The following GALNT14 variants were observed in gnomAD, a reference collection of about 807,000 sequenced individuals.
GALNT14 encodes polypeptide N-acetylgalactosaminyltransferase 14, also known as UDP-GalNAc:polypeptide N-acetylgalactosaminyltransferase 14.
Under a neutral mutation model 77.5 loss-of-function variants are expected in GALNT14, and 60 were observed. The observed-to-expected ratio is 0.77, with a 90% confidence interval of 0.63 to 0.96. GALNT14 has a LOEUF of 0.96. GALNT14 is among the 40% of genes least tolerant of loss of function. The pLI is 0.00. For synonymous variants in GALNT14, 280 were observed against 281.7 expected, an observed-to-expected ratio of 0.99 and a Z score of 0.06; for missense variants, 710 against 731.0, an observed-to-expected ratio of 0.97 and a Z score of 0.33.
intron 1 of GALNT14, among the ~76,000 whole-genome samples, chr2:31,116,415 C>G (rs1003668213): frequency 2.0e-5 from 3 of 151,882 alleles, no homozygotes; most frequent in Non-Finnish European, 4.4e-5. Flanking sequence ...TTATAAGAAA[C>G]ATTTTATGCC....
At chr2:30,914,521 T>C (rs1009250490) in intron 13 of GALNT14, among the ~76,000 whole-genome samples, 1 of 152,148 alleles carries the variant, frequency 6.6e-6, no homozygotes, top group Admixed American at 6.6e-5. Context: ...AGGTCTGGGG[T>C]GGGGCAGGCC....
chr2:30,968,998 G>A (rs1410612807), intron 2 of GALNT14, among the ~76,000 whole-genome samples: 1 of 152,130 alleles, frequency 6.6e-6, no homozygotes, highest in African/African-American at 2.4e-5. Flanking sequence ...CAGGTGGCAG[G>A]TCTGTGAGAG....
chr2:31,128,216 TG>T (rs1250033028), intron 1 of GALNT14, among the ~76,000 whole-genome samples: 3 of 152,120 alleles, frequency 2.0e-5, no homozygotes, highest in African/African-American at 7.2e-5. Context: ...GTCCCTGTAC[TG>T]GGTAGAACCA....
chr2:30,909,064 T>C (rs968037911), downstream of GALNT14, among the ~76,000 whole-genome samples: 5 of 152,064 alleles, frequency 3.3e-5, no homozygotes, highest in African/African-American at 1.2e-4. Context: ...CAATTCAAGA[T>C]GGATTAAAGA....
intron 1 of GALNT14, among the ~76,000 whole-genome samples, chr2:31,051,151 C>T (rs1438571640): frequency 6.6e-6 from 1 of 152,134 alleles, no homozygotes; most frequent in Non-Finnish European, 1.5e-5. Context: ...CTTCCTTGGC[C>T]CTCTCCTCAT....
At chr2:30,912,418 GGT>G in intron 13 of GALNT14, 76 bp from the exon 14 acceptor site, 2 of 1,536,748 alleles carry the variant, frequency 1.3e-6, no homozygotes, top group Non-Finnish European at 1.8e-6. Context: ...CACACTTACG[GGT>G]GTGATTAGCA....
intron 1 of GALNT14, among the ~76,000 whole-genome samples, chr2:31,108,856 A>AGGTT (rs1677695599): frequency 6.6e-6 from 1 of 152,210 alleles, no homozygotes. Flanking sequence ...AGCACAGCAC[A>AGGTT]GGTTGGAACA....
chr2:31,105,524 G>A (rs1035608359), intron 1 of GALNT14, among the ~76,000 whole-genome samples: 4 of 152,020 alleles, frequency 2.6e-5, no homozygotes, highest in Non-Finnish European at 1.5e-5. Context: ...TCAGGAGTTC[G>A]AGACCAGCCT....
Position 30,955,714 on chromosome 2 carries a change from G to A in GALNT14, c.558C>T (p.Gly186=), listed in dbSNP as rs780739128. 1.3e-5 allele frequency: 21 copies of A among 1,614,006 alleles called. No homozygotes were observed. In the East Asian group the frequency reaches 1.8e-4, roughly 14 times the overall value. ...GAGTGGTGCCCTGGGCGATGTCAGCGCCCCGAATCCGGGACCGGACCAGAC... is the reference window on the plus strand; with the variant it reads ...GAGTGGTGCCCTGGGCGATGTCAGCACCCCGAATCCGGGACCGGACCAGAC... ...RQGLVRSRIR[G]ADIAQGTTLT... The change falls in exon 6 of 15, where the codon GGC becomes GGT. Residue 186 remains glycine (G), a synonymous_variant. Transcript: ENST00000349752.
chr2:31,064,386 C>G (rs769786679), intron 1 of GALNT14, among the ~76,000 whole-genome samples: 1 of 152,172 alleles, frequency 6.6e-6, no homozygotes, highest in African/African-American at 2.4e-5. Context: ...TCAACTATCC[C>G]AGTGCTTTCC....
rs117605879 is a variant in GALNT14, at chr2:30,978,561, G to A, written c.300-12259C>T. Among the ~76,000 whole-genome samples, 132 of 152,302 alleles carry A rather than the reference G, an allele frequency of 8.7e-4. 1 individual carries two copies. The East Asian group carries it at 0.024, about 28-fold the overall frequency. On this transcript the variant is annotated intron_variant, in intron 2 of 14. Coordinates refer to ENST00000349752, the MANE Select transcript of GALNT14 (RefSeq NM_024572.4). Reference sequence around the variant, plus strand: ...GCCAATTGTGGCGCTGGATTTATGCGTGAACGTGGATAATTCTCTGTTGAG... The same window carrying A: ...GCCAATTGTGGCGCTGGATTTATGCATGAACGTGGATAATTCTCTGTTGAG...
At chr2:31,001,560 T>G (rs917155314) in intron 1 of GALNT14, among the ~76,000 whole-genome samples, 2 of 152,120 alleles carry the variant, frequency 1.3e-5, no homozygotes, top group Admixed American at 6.6e-5. Flanking sequence ...AAGTCCTATG[T>G]GGAGGAAAAC....
intron 1 of GALNT14, among the ~76,000 whole-genome samples, chr2:31,117,320 G>A (rs985307567): frequency 6.6e-6 from 1 of 152,158 alleles, no homozygotes; most frequent in Non-Finnish European, 1.5e-5. Flanking sequence ...AGTAAGAACT[G>A]AAGAGGAAGC....
chr2:31,124,790 C>T (rs1678617244), intron 1 of GALNT14, among the ~76,000 whole-genome samples: 1 of 152,168 alleles, frequency 6.6e-6, no homozygotes, highest in Non-Finnish European at 1.5e-5. Flanking sequence ...TCAGCCTGCC[C>T]ACCTTGTGGG....
chr2:30,947,360 C>T (rs1666762525), intron 6 of GALNT14, among the ~76,000 whole-genome samples: 1 of 152,150 alleles, frequency 6.6e-6, no homozygotes, highest in Non-Finnish European at 1.5e-5. Context: ...TCATTACTTG[C>T]TACGTCCCTC....
the GALNT14 span, among the ~76,000 whole-genome samples, chr2:30,889,969 T>G: frequency 6.6e-6 from 1 of 152,188 alleles, no homozygotes; most frequent in African/African-American, 2.4e-5. Context: ...ACCGTGAGTA[T>G]TTTTAGTCTT....
chr2:30,921,390 CA>C (rs1411603778), intron 13 of GALNT14, among the ~76,000 whole-genome samples: 1 of 152,220 alleles, frequency 6.6e-6, no homozygotes, highest in African/African-American at 2.4e-5. Flanking sequence ...CAACATTTTG[CA>C]AAATGCCACT....
chr2:31,069,541 G>T (rs984076238), intron 1 of GALNT14, among the ~76,000 whole-genome samples: 3 of 152,148 alleles, frequency 2.0e-5, no homozygotes, highest in African/African-American at 4.8e-5. Context: ...ACTTTACCCA[G>T]GGATGGGCAG....
intron 1 of GALNT14, among the ~76,000 whole-genome samples, chr2:31,086,238 T>C (rs1676423945): frequency 6.6e-6 from 1 of 152,084 alleles, no homozygotes; most frequent in Non-Finnish European, 1.5e-5. Flanking sequence ...GCACATAGAG[T>C]TGCTAGCACT....
Sources: gnomAD v4.1 joint callset for allele counts (sites outside exome capture counted in the v4.1 genomes callset) on GRCh38, gnomAD v4.1.1 for gene constraint, MANE v1.5 for transcripts, NCBI Gene and HGNC (gene_info 2026-07-23, HGNC 2026-07-21) for gene names.